Variants in CTNNAL1 observed in about 807,000 individuals in gnomAD.
The protein encoded by CTNNAL1 is catenin alpha like 1.
CTNNAL1 carries 69 observed loss-of-function variants against 93.6 expected under a neutral mutation model. That is an observed-to-expected ratio of 0.74 (90% confidence interval 0.61 to 0.90). The LOEUF (loss-of-function observed/expected upper bound fraction) is 0.90. Ranked by LOEUF, CTNNAL1 falls within the 40% of genes least tolerant of loss-of-function variation. CTNNAL1 has a pLI of 0.00. For synonymous variants in CTNNAL1, 286 were observed against 305.4 expected, an observed-to-expected ratio of 0.94 and a Z score of 0.66; for missense variants, 836 against 862.0, an observed-to-expected ratio of 0.97 and a Z score of 0.38.
intron 5 of CTNNAL1, 42 bp from the exon 6 acceptor site, chr9:108,983,357 T>C: frequency 2.9e-6 from 4 of 1,390,772 alleles, no homozygotes; most frequent in African/African-American, 1.5e-5. Flanking sequence ...ATTTGATTTA[T>C]GTCATAATGC....
At chr9:109,008,876 C>CTTTTT (rs1162375548) in intron 1 of CTNNAL1, among the ~76,000 whole-genome samples, 6 of 54,892 alleles carry the variant, frequency 1.1e-4, no homozygotes, top group Admixed American at 2.2e-4. Context: ...AACAGAGGTT[C>CTTTTT]TTTTTTTTTT....
intron 5 of CTNNAL1, among the ~76,000 whole-genome samples, chr9:108,983,817 T>G (rs866311): frequency 0.5 from 76,218 of 152,096 alleles, 19,370 homozygotes; most frequent in Middle Eastern, 0.63. Flanking sequence ...AAGAAAAGGT[T>G]ATTCCAAACA....
At chr9:108,975,572 T>C (rs1831244477) in intron 8 of CTNNAL1, among the ~76,000 whole-genome samples, 1 of 152,158 alleles carries the variant, frequency 6.6e-6, no homozygotes. Flanking sequence ...AGACCACATC[T>C]TCCCAGCTCT....
intron 12 of CTNNAL1, among the ~76,000 whole-genome samples, chr9:108,953,525 C>A (rs1376622339): frequency 1.3e-5 from 2 of 152,060 alleles, no homozygotes; most frequent in African/African-American, 4.8e-5. Context: ...TACAATAAAA[C>A]AAAACACTCA....
intron 14 of CTNNAL1, chr9:108,950,610 A>T: frequency 6.5e-7 from 1 of 1,549,486 alleles, no homozygotes; most frequent in Non-Finnish European, 8.7e-7. Flanking sequence ...TTCTATAGGA[A>T]GGAATCTTCA....
intron 10 of CTNNAL1, among the ~76,000 whole-genome samples, chr9:108,969,269 CAA>C (rs112028531): frequency 0.032 from 4,109 of 129,970 alleles, 187 homozygotes; most frequent in African/African-American, 0.11. Context: ...GACTCCGTCT[CAA>C]AAAAAAAAAA....
intron 11 of CTNNAL1, among the ~76,000 whole-genome samples, chr9:108,959,766 G>A (rs186409240): frequency 5.9e-5 from 9 of 152,240 alleles, no homozygotes; most frequent in Admixed American, 2.6e-4. Flanking sequence ...TGTCCTCAAC[G>A]AGGTATTGTA....
intron 10 of CTNNAL1, among the ~76,000 whole-genome samples, chr9:108,969,004 G>A (rs1216721669): frequency 1.3e-5 from 2 of 152,132 alleles, no homozygotes; most frequent in Non-Finnish European, 2.9e-5. Context: ...GGGTGCAGTG[G>A]CTCACGCCTG....
At chr9:108,998,749 C>G (rs28361110) in intron 2 of CTNNAL1, among the ~76,000 whole-genome samples, 13,156 of 152,204 alleles carry the variant, frequency 0.086, 743 homozygotes, top group Middle Eastern at 0.12. Context: ...TTTCCATTTC[C>G]TATGTCATGG....
At chr9:108,951,215 G>T (rs1189725865) in intron 14 of CTNNAL1, among the ~76,000 whole-genome samples, 2 of 149,776 alleles carry the variant, frequency 1.3e-5, no homozygotes, top group African/African-American at 4.9e-5. Context: ...CCGGGTTTCA[G>T]TGTGTTAACC....
At chr9:108,962,640 G>A (rs1240068606) in intron 11 of CTNNAL1, among the ~76,000 whole-genome samples, 1 of 152,098 alleles carries the variant, frequency 6.6e-6, no homozygotes, top group African/African-American at 2.4e-5. Flanking sequence ...AAGGACATAG[G>A]GAGAGATGGA....
intron 3 of CTNNAL1, among the ~76,000 whole-genome samples, chr9:108,992,239 C>T (rs1831837254): frequency 6.6e-6 from 1 of 152,174 alleles, no homozygotes; most frequent in Non-Finnish European, 1.5e-5. Context: ...GGAGACATTA[C>T]TTGCATTCAA....
At chr9:108,997,277 C>G (rs565427784) in intron 2 of CTNNAL1, among the ~76,000 whole-genome samples, 1 of 152,142 alleles carries the variant, frequency 6.6e-6, no homozygotes, top group Non-Finnish European at 1.5e-5. Context: ...TCTTCCTGCT[C>G]TTTACAGCCC....
rs1217276932 is a variant in CTNNAL1, at chr9:109,007,749, C to T, written c.141+5553G>A. ...GAAATGAAAGAAAGACCTGTGCAGC[C>T]ACCACCAAGCTTAAGAGAACAATGT... is the stretch of plus-strand genomic sequence containing the variant. On this transcript the variant is annotated intron_variant, in intron 1 of 18. Coordinates refer to ENST00000325551, the MANE Select transcript of CTNNAL1 (RefSeq NM_003798.4). Among the ~76,000 whole-genome samples the T allele has an allele frequency of 3.3e-5, 5 of 152,250 alleles. No individual in the cohort carries two copies. In the South Asian group the frequency reaches 6.2e-4, roughly 19 times the overall value.
At chr9:108,990,488 G>T (rs1461410934) in intron 4 of CTNNAL1, among the ~76,000 whole-genome samples, 4 of 152,146 alleles carry the variant, frequency 2.6e-5, no homozygotes, top group Non-Finnish European at 4.4e-5. Context: ...AGCCCTGATA[G>T]CAAGTATGAC....
intron 4 of CTNNAL1, among the ~76,000 whole-genome samples, chr9:108,986,956 A>C (rs982598123): frequency 6.6e-6 from 1 of 152,048 alleles, no homozygotes; most frequent in Non-Finnish European, 1.5e-5. Context: ...AGGTTGCGAA[A>C]ATTTTCTCCC....
At chr9:108,991,880 C>T in intron 3 of CTNNAL1, 1 of 583,412 alleles carries the variant, frequency 1.7e-6, no homozygotes, top group African/African-American at 1.9e-5. Flanking sequence ...CCCTGGATTC[C>T]CAGATGATCA....
chr9:109,002,518 A>C (rs1315320065), intron 1 of CTNNAL1, among the ~76,000 whole-genome samples: 1 of 152,206 alleles, frequency 6.6e-6, no homozygotes, highest in Non-Finnish European at 1.5e-5. Context: ...ATTAACATGA[A>C]AGGGAGAATA....
Position 108,972,689 on chromosome 9 carries a change from C to G in CTNNAL1, c.1333G>C (p.Glu445Gln), listed in dbSNP as rs1233777263. 1.2e-6 allele frequency: 2 copies of G among 1,612,672 alleles called. No homozygotes were observed. The highest frequency in any genetic ancestry group is 1.7e-6 in the Non-Finnish European group (2 of 1,179,642). ...TGTTTACTCACCTCAACAAGCTGCT[C>G]TTTCTGTTCAGAGAGTTTACAGGCA... ...EYACKLSEQK[E>Q]QLVETCRLLR... is the part of the protein sequence containing the mutation. Residue 445 changes from glutamate (E) to glutamine (Q), a missense_variant, in exon 9 of 19, where the codon GAG (glutamate) becomes CAG (glutamine). By Grantham distance (29) the Glu-to-Gln change is conservative. Transcript: ENST00000325551.
Sources: allele counts gnomAD v4.1 joint callset (sites outside exome capture counted in the v4.1 genomes callset), GRCh38; gene constraint gnomAD v4.1.1; transcripts MANE v1.5; gene names NCBI Gene and HGNC (gene_info 2026-07-23, HGNC 2026-07-21).